Variants in SPOCK3 observed in about 807,000 individuals in gnomAD.
SPOCK3 encodes the protein testican-3.
Under a neutral mutation model 56.6 loss-of-function variants are expected in SPOCK3, and 30 were observed. The ratio of observed to expected loss-of-function variants is 0.53; its 90% CI spans 0.40 to 0.72. The LOEUF (loss-of-function observed/expected upper bound fraction) is 0.72, where lower values mean the gene tolerates loss of function less well. Among genes scored for constraint, SPOCK3 ranks in the 30% least tolerant of loss-of-function variants. The probability of loss-of-function intolerance (pLI) is 0.00; values close to 1 mark genes in which losing one functional copy is unlikely to be tolerated. For missense variants in SPOCK3, 527 were observed against 530.0 expected (o/e 0.99, Z 0.06); for synonymous variants, 196 against 183.3 (o/e 1.07, Z -0.56).
At chr4:166,860,531 A>C (rs371134273) in intron 6 of SPOCK3, among the ~76,000 whole-genome samples, 2 of 151,966 alleles carry the variant, frequency 1.3e-5, no homozygotes, top group African/African-American at 4.8e-5. Flanking sequence ...AAATACTGAG[A>C]TGCATACTTA....
intron 2 of SPOCK3, among the ~76,000 whole-genome samples, chr4:167,222,833 A>C: frequency 7.8e-6 from 1 of 127,972 alleles, no homozygotes; most frequent in Non-Finnish European, 1.6e-5. Flanking sequence ...AAACATAGAT[A>C]TATATTGATA....
At chr4:167,054,855 G>A (rs1236690550) in intron 3 of SPOCK3, among the ~76,000 whole-genome samples, 1 of 152,160 alleles carries the variant, frequency 6.6e-6, no homozygotes, top group East Asian at 1.9e-4. Flanking sequence ...GTGTAAATGT[G>A]TCTGTCCAAG....
intron 8 of SPOCK3, among the ~76,000 whole-genome samples, chr4:166,743,374 T>A (rs748619408): frequency 3.9e-5 from 6 of 152,122 alleles, no homozygotes; most frequent in Non-Finnish European, 8.8e-5. Context: ...CAAAGTGGAA[T>A]AAAGAATGAG....
intron 2 of SPOCK3, among the ~76,000 whole-genome samples, chr4:167,142,280 T>C (rs1561260490): frequency 1.3e-5 from 2 of 151,872 alleles, no homozygotes; most frequent in East Asian, 1.9e-4. Flanking sequence ...GTCTCTAAAA[T>C]GGTGGTGAGA....
At chr4:166,991,649 C>A (rs1747804573) in intron 4 of SPOCK3, among the ~76,000 whole-genome samples, 1 of 152,024 alleles carries the variant, frequency 6.6e-6, no homozygotes, top group African/African-American at 2.4e-5. Flanking sequence ...GGATTACAGG[C>A]ATGAGCCACC....
intron 2 of SPOCK3, among the ~76,000 whole-genome samples, chr4:167,233,710 G>A (rs1737420213): frequency 6.6e-6 from 1 of 152,146 alleles, no homozygotes; most frequent in Non-Finnish European, 1.5e-5. Context: ...TAACCTTTGT[G>A]GGCCGGGAGG....
At chr4:166,739,176 A>C (rs1734564633) in intron 9 of SPOCK3, among the ~76,000 whole-genome samples, 1 of 152,018 alleles carries the variant, frequency 6.6e-6, no homozygotes, top group Admixed American at 6.6e-5. Flanking sequence ...CCGGTGTGAG[A>C]TGGTATCTCA....
intron 4 of SPOCK3, among the ~76,000 whole-genome samples, chr4:166,952,080 C>G (rs1218985442): frequency 6.6e-6 from 1 of 152,056 alleles, no homozygotes; most frequent in Non-Finnish European, 1.5e-5. Flanking sequence ...AGATTCTGGC[C>G]AGGGCAATTA....
At chr4:167,208,310 T>C (rs1734547297) in intron 2 of SPOCK3, among the ~76,000 whole-genome samples, 1 of 152,166 alleles carries the variant, frequency 6.6e-6, no homozygotes, top group Non-Finnish European at 1.5e-5. Context: ...GTTTCAATTA[T>C]TTGTAGTTTG....
chr4:167,203,801 A>T (rs1733759216), intron 2 of SPOCK3, among the ~76,000 whole-genome samples: 1 of 152,142 alleles, frequency 6.6e-6, no homozygotes, highest in African/African-American at 2.4e-5. Flanking sequence ...CACATATGAG[A>T]TAAAAAATAT....
intron 2 of SPOCK3, among the ~76,000 whole-genome samples, chr4:167,195,410 A>T (rs1469991564): frequency 6.6e-6 from 1 of 152,160 alleles, no homozygotes; most frequent in East Asian, 1.9e-4. Flanking sequence ...CCAAGAAGGT[A>T]ATTAGGAGTG....
At chr4:166,828,251 C>G (rs916973099) in intron 6 of SPOCK3, among the ~76,000 whole-genome samples, 1 of 151,878 alleles carries the variant, frequency 6.6e-6, no homozygotes, top group African/African-American at 2.4e-5. Flanking sequence ...CAACTAGTCA[C>G]AGTTTATACA....
chr4:167,044,075 A>AT (rs938158100), intron 3 of SPOCK3, among the ~76,000 whole-genome samples: 3 of 151,898 alleles, frequency 2.0e-5, no homozygotes, highest in Admixed American at 2.0e-4. Flanking sequence ...TGAGTTTCAT[A>AT]TTTTTTGTTT....
intron 4 of SPOCK3, among the ~76,000 whole-genome samples, chr4:166,983,541 G>A (rs921825059): frequency 2.6e-5 from 4 of 152,026 alleles, no homozygotes; most frequent in Non-Finnish European, 5.9e-5. Flanking sequence ...CTAGATAGGA[G>A]AAATAAATTC....
chr4:167,040,287 G>A (rs1753132206), intron 3 of SPOCK3, among the ~76,000 whole-genome samples: 1 of 152,136 alleles, frequency 6.6e-6, no homozygotes, highest in African/African-American at 2.4e-5. Flanking sequence ...ATAGGATAGT[G>A]GGAAGGCACA....
intron 3 of SPOCK3, among the ~76,000 whole-genome samples, chr4:167,022,946 A>G (rs188006314): frequency 6.6e-6 from 1 of 152,128 alleles, no homozygotes; most frequent in East Asian, 1.9e-4. Context: ...GAGCTCTTAA[A>G]TCTTTTATAA....
intron 2 of SPOCK3, among the ~76,000 whole-genome samples, chr4:167,195,912 C>T (rs150371344): frequency 3.9e-5 from 6 of 152,304 alleles, no homozygotes; most frequent in Admixed American, 3.9e-4. Flanking sequence ...TGCCAAGTTA[C>T]TATTGCTGGG....
At chr4:167,086,369 C>G (rs1401376438) in intron 2 of SPOCK3, among the ~76,000 whole-genome samples, 2 of 151,968 alleles carry the variant, frequency 1.3e-5, no homozygotes, top group East Asian at 3.9e-4. Flanking sequence ...ATCAATAGCT[C>G]AAACACAAGA....
chr4:167,146,761 A>G (rs1763995619), intron 2 of SPOCK3, among the ~76,000 whole-genome samples: 1 of 152,184 alleles, frequency 6.6e-6, no homozygotes, highest in East Asian at 1.9e-4. Context: ...TTTAAAACCA[A>G]TGAGAACAAA....
Sources: gnomAD v4.1 joint callset for allele counts (sites outside exome capture counted in the v4.1 genomes callset) on GRCh38, gnomAD v4.1.1 for gene constraint, MANE v1.5 for transcripts, NCBI Gene and HGNC (gene_info 2026-07-23, HGNC 2026-07-21) for gene names.